MSRA: variants seen among roughly 807,000 people sequenced by gnomAD.
The protein encoded by MSRA is mitochondrial peptide methionine sulfoxide reductase.
A neutral mutation model predicts 31.3 loss-of-function variants in MSRA; 54 were observed. That is an observed-to-expected ratio of 1.73 (90% CI 1.39 to 2.17). The LOEUF (loss-of-function observed/expected upper bound fraction) is 2.17. Among genes scored for constraint, MSRA ranks in the 30% most tolerant of loss-of-function variants. The pLI is 0.00. For synonymous variants in MSRA, 169 were observed against 116.5 expected, an observed-to-expected ratio of 1.45 and a Z score of -2.90; for missense variants, 507 against 300.9, an observed-to-expected ratio of 1.69 and a Z score of -5.07.
At chr8:10,389,379 G>A (rs547825769) in intron 5 of MSRA, among the ~76,000 whole-genome samples, 1 of 152,326 alleles carries the variant, frequency 6.6e-6, no homozygotes, top group South Asian at 2.1e-4. Context: ...TGTGAGGGAG[G>A]CTTCAACCAA....
intron 1 of MSRA, among the ~76,000 whole-genome samples, chr8:10,171,625 C>T (rs116024236): frequency 0.017 from 2,598 of 152,216 alleles, 79 homozygotes; most frequent in African/African-American, 0.058. Flanking sequence ...CACAGGCAAC[C>T]ACAGCAAACG....
At chr8:10,163,651 A>G (rs933791366) in intron 1 of MSRA, among the ~76,000 whole-genome samples, 1 of 152,384 alleles carries the variant, frequency 6.6e-6, no homozygotes, top group South Asian at 2.1e-4. Context: ...TTGGGTGGAA[A>G]CAGAATTCTA....
chr8:10,072,487 C>A (rs926158512), intron 1 of MSRA, among the ~76,000 whole-genome samples: 6 of 152,160 alleles, frequency 3.9e-5, no homozygotes, highest in African/African-American at 1.4e-4. Flanking sequence ...GTGACATTGT[C>A]ATGCTGTCTT....
At chr8:10,397,462 C>A (rs1029311096) in intron 5 of MSRA, among the ~76,000 whole-genome samples, 2 of 152,154 alleles carry the variant, frequency 1.3e-5, no homozygotes, top group Non-Finnish European at 2.9e-5. Context: ...GAGCCCAGAA[C>A]GAGTAGAGCT....
chr8:10,390,703 C>A (rs1388357578), intron 5 of MSRA, among the ~76,000 whole-genome samples: 2 of 152,040 alleles, frequency 1.3e-5, no homozygotes, highest in Admixed American at 1.3e-4. Flanking sequence ...GTGTGTATTA[C>A]CTCATTTAAC....
In MSRA at chr8:10,393,497, G is replaced by A. The variant is rs1423574128; in HGVS notation, c.544-34651G>A. 6.6e-5 allele frequency among the ~76,000 whole-genome samples: 10 copies of A among 152,238 alleles called. No homozygotes were observed. In the South Asian group the frequency reaches 1.9e-3, roughly 28 times the overall value. On this transcript the variant is annotated intron_variant, in intron 5 of 5. Transcript: ENST00000317173. ...TCTATGGCTGACACAGCGTCAGCAT[G>A]TGACGGTGTTTGCTGGGCACCGTGT...
At chr8:10,151,532 C>T (rs538173489) in intron 1 of MSRA, among the ~76,000 whole-genome samples, 8 of 152,230 alleles carry the variant, frequency 5.3e-5, no homozygotes, top group African/African-American at 1.9e-4. Context: ...TGCCTGTAGT[C>T]CCAGCTACTC....
chr8:10,284,804 A>G (rs1276842267), intron 3 of MSRA, among the ~76,000 whole-genome samples: 1 of 152,164 alleles, frequency 6.6e-6, no homozygotes, highest in Admixed American at 6.6e-5. Context: ...TATAATGAAA[A>G]TAGCTCTTAT....
intron 3 of MSRA, among the ~76,000 whole-genome samples, chr8:10,286,066 C>A (rs1799919328): frequency 6.6e-6 from 1 of 152,074 alleles, no homozygotes; most frequent in Non-Finnish European, 1.5e-5. Context: ...ACTGTGGGCA[C>A]TGGGCACCGT....
intron 1 of MSRA, among the ~76,000 whole-genome samples, chr8:10,201,123 T>A (rs1808461425): frequency 6.6e-6 from 1 of 151,520 alleles, no homozygotes; most frequent in South Asian, 2.1e-4. Context: ...TTTGTTGGGG[T>A]GTTGACAGAT....
chr8:10,393,545 C>A (rs964241724), intron 5 of MSRA, among the ~76,000 whole-genome samples: 15 of 152,116 alleles, frequency 9.9e-5, no homozygotes, highest in Non-Finnish European at 2.2e-4. Context: ...GTGACTGGTG[C>A]CCAGGTATTG....
chr8:10,157,933 G>A (rs1373612915), intron 1 of MSRA, among the ~76,000 whole-genome samples: 1 of 152,030 alleles, frequency 6.6e-6, no homozygotes, highest in Non-Finnish European at 1.5e-5. Flanking sequence ...TTATTCCATT[G>A]GGCTACTATA....
At chr8:10,062,716 A>G (rs766339976) in intron 1 of MSRA, among the ~76,000 whole-genome samples, 16 of 152,274 alleles carry the variant, frequency 1.1e-4, no homozygotes, top group Admixed American at 6.5e-4. Context: ...TCCGGCCTAC[A>G]TTTGTGGTTA....
intron 1 of MSRA, among the ~76,000 whole-genome samples, chr8:10,145,391 G>A (rs185961824): frequency 2.0e-5 from 3 of 152,352 alleles, no homozygotes; most frequent in African/African-American, 7.2e-5. Context: ...ATTTTCAAGT[G>A]TGTTTAATCC....
intron 3 of MSRA, among the ~76,000 whole-genome samples, chr8:10,268,532 C>T (rs1798864075): frequency 6.6e-6 from 1 of 152,200 alleles, no homozygotes; most frequent in Admixed American, 6.5e-5. Context: ...TTCCCATCTG[C>T]CTCTTCTCTC....
At chr8:10,366,690 G>C (rs186494937) in intron 5 of MSRA, among the ~76,000 whole-genome samples, 1 of 152,174 alleles carries the variant, frequency 6.6e-6, no homozygotes, top group African/African-American at 2.4e-5. Flanking sequence ...GCCAGGCTTC[G>C]TTGCTGGGGA....
chr8:10,098,107 A>G (rs549452435), intron 1 of MSRA, among the ~76,000 whole-genome samples: 34 of 152,290 alleles, frequency 2.2e-4, no homozygotes, highest in African/African-American at 4.1e-4. Context: ...AACATAATGC[A>G]TGCTTCTTTA....
intron 3 of MSRA, among the ~76,000 whole-genome samples, chr8:10,252,747 G>C (rs1337380551): frequency 2.0e-5 from 3 of 152,146 alleles, no homozygotes; most frequent in Non-Finnish European, 4.4e-5. Context: ...TAATAAGCTG[G>C]TACGCACCTG....
chr8:10,300,665 T>C (rs893088478), intron 3 of MSRA, among the ~76,000 whole-genome samples: 3 of 152,122 alleles, frequency 2.0e-5, no homozygotes, highest in African/African-American at 7.2e-5. Context: ...AGGATTACAG[T>C]GAACTGCCAT....
Sources: allele counts gnomAD v4.1 joint callset (sites outside exome capture counted in the v4.1 genomes callset), GRCh38; gene constraint gnomAD v4.1.1; transcripts MANE v1.5; gene names NCBI Gene and HGNC (gene_info 2026-07-23, HGNC 2026-07-21).